The following GMDS variants were observed in gnomAD, a reference collection of about 807,000 sequenced individuals.
GMDS encodes GDP-mannose 4,6 dehydratase.
Under a neutral mutation model 49.9 loss-of-function variants are expected in GMDS, and 20 were observed. That is an observed-to-expected ratio of 0.40 (90% CI 0.28 to 0.58). The LOEUF is 0.58. Among genes scored for constraint, GMDS ranks in the 20% least tolerant of loss-of-function variants. The pLI, the probability that GMDS is intolerant of heterozygous loss-of-function variation, is 0.42. For missense variants in GMDS, 362 were observed against 481.4 expected, an observed-to-expected ratio of 0.75 and a Z score of 2.32; for synonymous variants, 177 against 178.6, an observed-to-expected ratio of 0.99 and a Z score of 0.07.
At chr6:1,726,372 C>A (rs1268672853) in intron 9 of GMDS, 44 bp downstream of exon 9, 1 of 1,342,656 alleles carries the variant, frequency 7.4e-7, no homozygotes, top group Non-Finnish European at 1.1e-6. Flanking sequence ...GCCCAGCCAG[C>A]CAGCCAAATG....
intron 4 of GMDS, among the ~76,000 whole-genome samples, chr6:1,994,817 A>C (rs775499679): frequency 6.6e-5 from 10 of 152,168 alleles, no homozygotes; most frequent in Non-Finnish European, 1.2e-4. Context: ...CCCACTTTTA[A>C]GAAGAAAAAC....
At chr6:2,203,723 G>A (rs571948181) in intron 1 of GMDS, among the ~76,000 whole-genome samples, 13 of 152,226 alleles carry the variant, frequency 8.5e-5, no homozygotes, top group East Asian at 5.8e-4. Flanking sequence ...AGTAGTTTAC[G>A]CTGATTCCAA....
chr6:1,920,737 G>A (rs1038287745), intron 7 of GMDS, among the ~76,000 whole-genome samples: 5 of 152,300 alleles, frequency 3.3e-5, no homozygotes, highest in Middle Eastern at 6.8e-3. Context: ...AAAAAAGTGG[G>A]AGACGTCAGT....
At chr6:1,929,267 T>C (rs570965972) in intron 7 of GMDS, among the ~76,000 whole-genome samples, 3 of 152,252 alleles carry the variant, frequency 2.0e-5, no homozygotes, top group African/African-American at 4.8e-5. Context: ...AGGACAGAAA[T>C]AGGCTCATGA....
intron 10 of GMDS, 27 bp downstream of exon 10, chr6:1,624,445 G>A (rs779702924): frequency 1.3e-6 from 2 of 1,599,386 alleles, no homozygotes; most frequent in Non-Finnish European, 1.7e-6. Context: ...CCCGCAGCGG[G>A]CGGCGTGCGC....
chr6:2,222,289 C>T (rs1027764289), intron 1 of GMDS, among the ~76,000 whole-genome samples: 1 of 152,170 alleles, frequency 6.6e-6, no homozygotes. Context: ...CCCTAGGCGT[C>T]TAAAATGCTC....
intron 7 of GMDS, among the ~76,000 whole-genome samples, chr6:1,882,884 T>G (rs972996767): frequency 5.9e-5 from 9 of 152,200 alleles, no homozygotes; most frequent in African/African-American, 2.2e-4. Context: ...AGGTTTTTCC[T>G]TTGGTAAAAC....
chr6:2,034,773 T>G (rs1234509150), intron 4 of GMDS, among the ~76,000 whole-genome samples: 1 of 152,198 alleles, frequency 6.6e-6, no homozygotes, highest in Non-Finnish European at 1.5e-5. Flanking sequence ...TGTTCTTATA[T>G]TCTCACACGT....
intron 1 of GMDS, among the ~76,000 whole-genome samples, chr6:2,131,963 A>C (rs1206416246): frequency 6.6e-6 from 1 of 152,192 alleles, no homozygotes; most frequent in African/African-American, 2.4e-5. Flanking sequence ...CAGCAGTACT[A>C]AGAAGGATAG....
At chr6:1,722,633 T>C (rs950090987) in intron 9 of GMDS, among the ~76,000 whole-genome samples, 1 of 152,224 alleles carries the variant, frequency 6.6e-6, no homozygotes, top group African/African-American at 2.4e-5. Context: ...ATTAATCTTA[T>C]TTTTAAAAAT....
In GMDS at chr6:1,738,257, T is replaced by C. The variant is rs143358622; in HGVS notation, c.890+4211A>G. Among the ~76,000 whole-genome samples, 876 of 152,318 alleles carry C rather than the reference T, an allele frequency of 5.8e-3. 8 individuals are homozygous for C. Among genetic ancestry groups the C allele is most frequent in the African/African-American group, 0.02 (845 of 41,556 alleles). On this transcript the variant is annotated intron_variant, in intron 8 of 10. Coordinates refer to ENST00000380815, the MANE Select transcript of GMDS (RefSeq NM_001500.4). ...AAAGCAGTTGTCATAAGGCTGCCTT[T>C]CTCAATACAAATGACTGTGTAAGAA...
rs141432790 is a variant in GMDS, at chr6:1,790,648, T to C, written c.772-48062A>G. On this transcript the variant is annotated intron_variant, in intron 7 of 10. Transcript: ENST00000380815. ...TTATATATAGTATATATCGTTTTTG[T>C]ATAGTATATATGTTTTTCTATAGTA... Among the ~76,000 whole-genome samples the C allele has an allele frequency of 3.4e-3, 514 of 152,356 alleles. 2 individuals carry two copies. The highest frequency in any genetic ancestry group is 0.012 in the African/African-American group (488 of 41,578).
intron 7 of GMDS, among the ~76,000 whole-genome samples, chr6:1,905,588 T>G (rs1760722699): frequency 1.5e-5 from 2 of 133,776 alleles, no homozygotes; most frequent in African/African-American, 2.9e-5. Context: ...CACATAGCTG[T>G]GGGTGTTGGT....
intron 4 of GMDS, among the ~76,000 whole-genome samples, chr6:2,052,221 G>A (rs557342936): frequency 6.6e-6 from 1 of 151,730 alleles, no homozygotes; most frequent in Non-Finnish European, 1.5e-5. Context: ...GTCAACTTCT[G>A]CTTTATATGG....
chr6:2,134,328 A>G (rs1775886669), intron 1 of GMDS, among the ~76,000 whole-genome samples: 1 of 152,210 alleles, frequency 6.6e-6, no homozygotes, highest in Non-Finnish European at 1.5e-5. Context: ...TTATTCAACC[A>G]TATACTTTTT....
intron 7 of GMDS, among the ~76,000 whole-genome samples, chr6:1,927,789 T>C (rs1331902964): frequency 6.6e-6 from 1 of 152,186 alleles, no homozygotes; most frequent in Non-Finnish European, 1.5e-5. Flanking sequence ...TCTCATTCAT[T>C]TTCATGAGAC....
chr6:2,062,380 G>A lies in GMDS; in HGVS notation c.345+53391C>T, dbSNP rs1771234654. ...CAAAATTCAGACTGCATAAGGGATC[G>A]TTCTGCATTGCTGACCTGAAACATC... is the stretch of plus-strand genomic sequence containing the variant. On this transcript the variant is annotated intron_variant, in intron 4 of 10. Coordinates refer to ENST00000380815, the MANE Select transcript of GMDS (RefSeq NM_001500.4). Among the ~76,000 whole-genome samples the A allele has an allele frequency of 2.6e-5, 4 of 152,158 alleles. No individual in the cohort carries two copies. In the South Asian group the frequency reaches 8.3e-4, roughly 32 times the overall value.
chr6:1,728,293 T>C (rs528085202), intron 8 of GMDS, among the ~76,000 whole-genome samples: 1 of 152,286 alleles, frequency 6.6e-6, no homozygotes, highest in East Asian at 1.9e-4. Flanking sequence ...TTTAAAAAAA[T>C]TTTGGTTAGG....
chr6:1,757,896 C>T (rs1419344304), intron 7 of GMDS, among the ~76,000 whole-genome samples: 3 of 152,184 alleles, frequency 2.0e-5, no homozygotes, highest in Non-Finnish European at 2.9e-5. Flanking sequence ...TTCATTTAAT[C>T]GAATATATCC....
Sources: gnomAD v4.1 joint callset for allele counts (sites outside exome capture counted in the v4.1 genomes callset) on GRCh38, gnomAD v4.1.1 for gene constraint, MANE v1.5 for transcripts, NCBI Gene and HGNC (gene_info 2026-07-23, HGNC 2026-07-21) for gene names.